The following PLA2G4D variants were observed in gnomAD, a reference collection of about 807,000 sequenced individuals.
PLA2G4D encodes phospholipase A2 group IVD, also known as cytosolic phospholipase A2 delta.
In PLA2G4D, 80 loss-of-function variants were observed where a neutral mutation model predicts 94.4. The observed-to-expected ratio is 0.85, with a 90% CI of 0.71 to 1.02. PLA2G4D has a LOEUF of 1.02. Ranked by LOEUF, PLA2G4D falls within the 50% of genes least tolerant of loss-of-function variation. The pLI, the probability that PLA2G4D is intolerant of heterozygous loss-of-function variation, is 0.00. For missense variants in PLA2G4D, 1,050 were observed against 1,034.7 expected (o/e 1.01, Z -0.20); for synonymous variants, 438 against 440.9 (o/e 0.99, Z 0.08).
intron 13 of PLA2G4D, among the ~76,000 whole-genome samples, chr15:42,077,330 T>C (rs554576925): frequency 1.3e-5 from 2 of 152,334 alleles, no homozygotes; most frequent in Non-Finnish European, 2.9e-5. Context: ...GCAAAAGTTC[T>C]CGACAAAATA....
intron 5 of PLA2G4D, 115 bp downstream of exon 5, chr15:42,085,376 G>A (rs1890121309): frequency 7.9e-7 from 1 of 1,261,964 alleles, no homozygotes; most frequent in Non-Finnish European, 1.2e-6. Flanking sequence ...CTCTCTGGCA[G>A]GGGTAGGAGA....
At position 42,069,987 on chromosome 15, in the gene PLA2G4D, C is replaced by T; in HGVS notation, c.2152G>A (p.Asp718Asn). ...ATCGGGGCCTCGGGGCAGGCGGGGT[C>T]TGAGAAGAGGTGGCATTCCCTTGGC... ...HQPRECHLFS[D>N]PACPEAPILL... Residue 718 changes from aspartate (D) to asparagine (N), a missense_variant, in exon 19 of 20, where the codon GAC becomes AAC. By Grantham distance (23) the Asp-to-Asn change is conservative. Coordinates refer to ENST00000290472, the MANE Select transcript of PLA2G4D (RefSeq NM_178034.4). 6.7e-7 allele frequency: 1 copy of T among 1,487,324 alleles called. No homozygotes were observed. Among genetic ancestry groups the T allele is most frequent in the South Asian group, 1.4e-5 (1 of 73,308 alleles). The allele number at this position is 1,487,324 out of a possible 1,614,324, so 92.1% of individuals were successfully genotyped here. A position where few individuals can be genotyped will look rare whatever the true frequency, so the allele number is the denominator to read the frequency against.
Position 42,071,763 on chromosome 15 carries a change from A to G in PLA2G4D, c.1573+11T>C, listed in dbSNP as rs1342150472. On this transcript the variant is annotated intron_variant, in intron 15 of 19. Transcript: ENST00000290472. The stretch of plus-strand genomic sequence containing the variant: ...AGGGCTGCCCAGGGCCTTCAGAGCC[A>G]CCACCCTCACCTTCCAGAAAGCAGA... 1.9e-6 allele frequency: 3 copies of G among 1,598,162 alleles called. No homozygotes were observed. The highest frequency in any genetic ancestry group is 2.6e-6 in the Non-Finnish European group (3 of 1,171,684).
intron 7 of PLA2G4D, 133 bp downstream of exon 7, chr15:42,083,583 T>C: frequency 8.4e-7 from 1 of 1,192,286 alleles, no homozygotes; most frequent in Non-Finnish European, 1.2e-6. Context: ...CGTGGCCCTC[T>C]GTGCCATGTG....
At chr15:42,075,937 AGG>A (rs1889914647) in intron 13 of PLA2G4D, among the ~76,000 whole-genome samples, 3 of 146,528 alleles carry the variant, frequency 2.0e-5, no homozygotes, top group Admixed American at 2.0e-4. Context: ...GGGAGGGGAG[AGG>A]AAGAAGGAAG....
chr15:42,081,562 C>G lies in PLA2G4D; in HGVS notation c.874G>C (p.Ala292Pro), dbSNP rs758107189. 7.4e-6 allele frequency: 12 copies of G among 1,614,102 alleles called. No homozygotes were observed. The Admixed American group carries it at 1.7e-4, about 22-fold the overall frequency. The change falls in exon 11 of 20, where the codon GCC becomes CCC. Residue 292 changes from alanine (A) to proline (P), a missense_variant. By Grantham distance (27) the Ala-to-Pro change is conservative. Coordinates refer to ENST00000290472, the MANE Select transcript of PLA2G4D (RefSeq NM_178034.4). ...ACCTGCTTCCTCCTGCTCAGGAAGG[C>G]CTGCTCCTCTGCACAGAGATTGAAG... is the stretch of plus-strand genomic sequence containing the variant. ...LGFNLCAEEQ[A>P]FLSRRKQVVA...
intron 3 of PLA2G4D, among the ~76,000 whole-genome samples, chr15:42,086,750 G>C (rs950127613): frequency 5.9e-5 from 9 of 152,156 alleles, no homozygotes; most frequent in Non-Finnish European, 1.0e-4. Flanking sequence ...TACTCGGGAG[G>C]CTGAGGCAGG....
intron 1 of PLA2G4D, 63 bp downstream of exon 1, chr15:42,094,352 A>G (rs1177762515): frequency 1.9e-6 from 3 of 1,586,996 alleles, no homozygotes; most frequent in Admixed American, 1.7e-5. Flanking sequence ...CACACTTCCC[A>G]GAATGCACCC....
At chr15:42,073,816 C>T (rs1889871615) in intron 13 of PLA2G4D, among the ~76,000 whole-genome samples, 2 of 152,330 alleles carry the variant, frequency 1.3e-5, no homozygotes, top group South Asian at 4.1e-4. Flanking sequence ...GAGGGTCCCT[C>T]TCCCACATCC....
intron 1 of PLA2G4D, among the ~76,000 whole-genome samples, chr15:42,088,394 G>T (rs1244296707): frequency 6.6e-6 from 1 of 152,220 alleles, no homozygotes; most frequent in Non-Finnish European, 1.5e-5. Context: ...TGGAGGAGAA[G>T]ATGAGCCGAG....
In PLA2G4D at chr15:42,071,792, G is replaced by C; in HGVS notation, c.1555C>G (p.Arg519Gly). Reference sequence around the variant, plus strand: ...CCCTCACCTTCCAGAAAGCAGATCCGGGGCTCCGGGATCCTCCTCATCAGC... The same window carrying C: ...CCCTCACCTTCCAGAAAGCAGATCCCGGGCTCCGGGATCCTCCTCATCAGC... ...GRLMRRIPEP[R>G]ICFLEAIWSN... The change falls in exon 15 of 20, where the codon CGG becomes GGG. Residue 519 changes from arginine to glycine, a missense_variant. Physicochemically the swap from Arg to Gly is moderately radical, Grantham distance 125. Coordinates refer to ENST00000290472, the MANE Select transcript of PLA2G4D (RefSeq NM_178034.4). 6.2e-7 allele frequency: 1 copy of C among 1,614,074 alleles called. No individual in the cohort carries two copies.
At position 42,094,455 on chromosome 15, in the gene PLA2G4D, T is replaced by C; in HGVS notation, c.5A>G (p.Glu2Gly). 1 of 1,614,108 alleles carries C rather than the reference T, an allele frequency of 6.2e-7. No homozygotes were observed. Among genetic ancestry groups the C allele is most frequent in the South Asian group, 1.1e-5 (1 of 91,082 alleles). The change falls in exon 1 of 20, where the codon GAG (glutamate) becomes GGG (glycine). Residue 2 changes from glutamate (E) to glycine (G), a missense_variant. Glu to Gly is a moderately conservative substitution (Grantham distance 98). Coordinates refer to ENST00000290472, the MANE Select transcript of PLA2G4D (RefSeq NM_178034.4). ...AGGTGGTCCCCCAGGTGACAGGCTC[T>C]CCATGCTAGCCCTTCCAGCTTCACT... M[E>G]SLSPGGPPGH...
chr15:42,090,798 G>A (rs576276047), intron 1 of PLA2G4D, among the ~76,000 whole-genome samples: 1 of 152,318 alleles, frequency 6.6e-6, no homozygotes, highest in African/African-American at 2.4e-5. Flanking sequence ...CTTCGCCAGG[G>A]AGATGAGTTG....
At chr15:42,071,682 C>CGGGGGG in intron 15 of PLA2G4D, 92 bp downstream of exon 15, 1 of 1,455,310 alleles carries the variant, frequency 6.9e-7, no homozygotes, top group Non-Finnish European at 9.5e-7. Context: ...CCCCCTTGTC[C>CGGGGGG]TGAGGTTCTG....
intron 13 of PLA2G4D, 105 bp downstream of exon 13, chr15:42,079,432 T>A: frequency 8.7e-7 from 1 of 1,146,938 alleles, no homozygotes; most frequent in Non-Finnish European, 1.2e-6. Flanking sequence ...ACACTGGCTC[T>A]TCCACGCTGC....
intron 2 of PLA2G4D, 31 bp from the exon 3 acceptor site, chr15:42,087,467 A>G: frequency 6.2e-7 from 1 of 1,613,624 alleles, no homozygotes; most frequent in Non-Finnish European, 8.5e-7. Flanking sequence ...TTCGTGAGGG[A>G]GTACTCCCCA....
At chr15:42,078,157 G>T (rs1252458885) in intron 13 of PLA2G4D, among the ~76,000 whole-genome samples, 2 of 152,280 alleles carry the variant, frequency 1.3e-5, no homozygotes, top group Non-Finnish European at 2.9e-5. Flanking sequence ...AGCAGTCACA[G>T]AGCTGTAACA....
rs1406275548 is a variant in PLA2G4D, at chr15:42,086,212, C to T, written c.387+1G>A. The T allele has an allele frequency of 4.0e-6, 6 of 1,517,690 alleles. No individual in the cohort carries two copies. The highest frequency in any genetic ancestry group is 4.7e-4 in the Middle Eastern group (2 of 4,238). The allele number at this position is 1,517,690 out of a possible 1,614,324, so 94.0% of individuals were successfully genotyped here. A position where few individuals can be genotyped will look rare whatever the true frequency, so the allele number is the denominator to read the frequency against. ...GGGGACTTCCCCACCCACCCACCCA[C>T]CTGGGGACTCTGGGAGAAGGTTTTC... On this transcript the variant is annotated splice_donor_variant, in intron 4 of 19. Coordinates refer to ENST00000290472, the MANE Select transcript of PLA2G4D (RefSeq NM_178034.4). LOFTEE classifies it high-confidence loss of function.
intron 10 of PLA2G4D, 69 bp from the exon 11 acceptor site, chr15:42,081,683 C>G (rs1890042219): frequency 1.2e-6 from 2 of 1,610,382 alleles, no homozygotes; most frequent in Non-Finnish European, 1.7e-6. Context: ...GCCAAGCCCA[C>G]AATGAGCTGC....
Sources: allele counts gnomAD v4.1 joint callset (sites outside exome capture counted in the v4.1 genomes callset), GRCh38; gene constraint gnomAD v4.1.1; transcripts MANE v1.5; gene names NCBI Gene and HGNC (gene_info 2026-07-23, HGNC 2026-07-21).